Variants in COL6A1 observed in about 807,000 individuals in gnomAD.
COL6A1 encodes collagen type VI alpha 1 chain.
Under a neutral mutation model 145.6 loss-of-function variants are expected in COL6A1, and 80 were observed. The observed-to-expected ratio is 0.55, with a 90% CI of 0.46 to 0.66. The LOEUF (loss-of-function observed/expected upper bound fraction) is 0.66, where lower values mean the gene tolerates loss of function less well. COL6A1 is among the 30% of genes least tolerant of loss of function. The pLI, the probability that COL6A1 is intolerant of heterozygous loss-of-function variation, is 0.00. For missense variants in COL6A1, 1,364 were observed against 1,473.8 expected, an observed-to-expected ratio of 0.93 and a Z score of 1.22; for synonymous variants, 638 against 622.8, an observed-to-expected ratio of 1.02 and a Z score of -0.36.
intron 18 of COL6A1, 57 bp downstream of exon 18, chr21:45,992,455 G>C: frequency 6.3e-7 from 1 of 1,586,990 alleles, no homozygotes; most frequent in Admixed American, 1.7e-5. Context: ...TGTGGACGTG[G>C]CCTCTGCGGC....
chr21:45,997,868 G>A (rs998272823), intron 22 of COL6A1, 106 bp downstream of exon 22: 25 of 1,294,702 alleles, frequency 1.9e-5, no homozygotes, highest in South Asian at 2.7e-5. Flanking sequence ...TGACCGGGCC[G>A]GGAGTGCCCG....
intron 4 of COL6A1, 122 bp from the exon 5 acceptor site, chr21:45,986,822 C>CAGCCCCTCCTGCTGAGGAGCCT (rs2077741958): frequency 6.6e-6 from 10 of 1,518,256 alleles, no homozygotes; most frequent in Non-Finnish European, 8.8e-6. Flanking sequence ...CCTGAGAGGC[C>CAGCCCCTCCTGCTGAGGAGCCT]AGCCCCTCCT....
At chr21:45,992,526 T>C in intron 18 of COL6A1, 128 bp downstream of exon 18, 2 of 1,214,704 alleles carry the variant, frequency 1.6e-6, no homozygotes, top group Non-Finnish European at 1.2e-6. Flanking sequence ...ATGGGTTTCT[T>C]CACCCACACG....
intron 4 of COL6A1, 49 bp from the exon 5 acceptor site, chr21:45,986,895 C>G: frequency 6.5e-7 from 1 of 1,536,072 alleles, no homozygotes; most frequent in Non-Finnish European, 8.7e-7. Context: ...GCGGCCCCGG[C>G]CGTCAGGGGT....
Position 45,981,907 on chromosome 21 carries a change from G to T in COL6A1, c.57G>T (p.Ala19=). ...TGCTGCAGGCCTGCTGGACAGCCGC[G>T]CAGGATGAGCCGGAGACCCCGAGGG... The part of the protein sequence containing the change: ...PLLLQACWTA[A]QDEPETPRAV... The change falls in exon 1 of 35, where the codon GCG becomes GCT. Residue 19 remains alanine (A), a synonymous_variant. Coordinates refer to ENST00000361866, the MANE Select transcript of COL6A1 (RefSeq NM_001848.3). The T allele has an allele frequency of 3.7e-6, 6 of 1,606,920 alleles. No individual in the cohort carries two copies. Among genetic ancestry groups the T allele is most frequent in the Non-Finnish European group, 5.1e-6 (6 of 1,178,036 alleles).
intron 29 of COL6A1, chr21:46,000,996 G>C (rs1379480110): frequency 2.8e-6 from 2 of 706,740 alleles, no homozygotes; most frequent in African/African-American, 1.8e-5. Context: ...GCAGGCTTGG[G>C]GGGGTCCCTG....
In COL6A1 at chr21:45,991,037, A is replaced by G. The variant is rs149338158; in HGVS notation, c.1115A>G (p.Glu372Gly). 667 of 1,613,000 alleles carry G rather than the reference A, an allele frequency of 4.1e-4. No homozygotes were observed. The highest frequency in any genetic ancestry group is 9.7e-4 in the Admixed American group (58 of 60,000). ...CCCGGTGCCTTTGGACTGAAAGGAG[A>G]AAAGGTGAGTGACTTGCGGCCCCTG... ...GDPGAFGLKG[E>G]KGEPGADGEA... Residue 372 changes from glutamate to glycine, a missense_variant, in exon 15 of 35, where the codon GAA (glutamate) becomes GGA (glycine). Coordinates refer to ENST00000361866, the MANE Select transcript of COL6A1 (RefSeq NM_001848.3).
intron 19 of COL6A1, among the ~76,000 whole-genome samples, chr21:45,993,897 G>A (rs146907690): frequency 1.9e-4 from 29 of 152,358 alleles, no homozygotes; most frequent in African/African-American, 7.0e-4. Flanking sequence ...GGAGCTTGCT[G>A]GAGAAGCAGG....
rs202073954 is a variant in COL6A1 at position 45,992,111 on chromosome 21, G to T, written c.1182+39G>T. The T allele has an allele frequency of 1.8e-3, 2,860 of 1,613,482 alleles. 13 individuals carry two copies. The highest frequency in any genetic ancestry group is 1.9e-3 in the Non-Finnish European group (2,253 of 1,179,946). On this transcript the variant is annotated intron_variant, in intron 16 of 34. Transcript: ENST00000361866. ...CAGCCCCCACACATGCCAGGTATGGGCCCAGGGAGGGTCAAGGAGATGGAG... is the reference window on the plus strand; with the variant it reads ...CAGCCCCCACACATGCCAGGTATGGTCCCAGGGAGGGTCAAGGAGATGGAG...
At chr21:45,987,107 G>T in intron 5 of COL6A1, 35 bp downstream of exon 5, 1 of 1,571,412 alleles carries the variant, frequency 6.4e-7, no homozygotes, top group East Asian at 2.3e-5. Flanking sequence ...GGAGGCCCGC[G>T]GCGGCCGCAG....
chr21:46,002,435 G>A (rs746395439), intron 32 of COL6A1, 34 bp downstream of exon 32: 57 of 1,612,012 alleles, frequency 3.5e-5, no homozygotes, highest in South Asian at 3.2e-4. Context: ...CACCTGCCCC[G>A]CCTAGGGCGC....
chr21:45,990,910 G>A (rs534509845), intron 14 of COL6A1, 69 bp from the exon 15 acceptor site: 48 of 1,608,382 alleles, frequency 3.0e-5, no homozygotes, highest in Admixed American at 2.2e-4. Context: ...CTGTCTGGGC[G>A]GTCTGGGGCT....
intron 21 of COL6A1, 72 bp downstream of exon 21, chr21:45,997,555 G>A: frequency 1.3e-6 from 2 of 1,563,382 alleles, no homozygotes. Context: ...TGTCTGCCCA[G>A]TGCTGGCCCC....
At chr21:45,998,780 G>A in intron 24 of COL6A1, 117 bp from the exon 25 acceptor site, 1 of 1,252,848 alleles carries the variant, frequency 8.0e-7, no homozygotes, top group South Asian at 1.3e-5. Flanking sequence ...AATGTGTGTG[G>A]TGGGGGAAGG....
intron 2 of COL6A1, among the ~76,000 whole-genome samples, chr21:45,983,064 A>G (rs2123460804): frequency 6.6e-6 from 1 of 150,974 alleles, no homozygotes; most frequent in Non-Finnish European, 1.5e-5. Flanking sequence ...AGATGTAGGG[A>G]AGAGAGGCTC....
chr21:45,990,001 G>A (rs2077764753), intron 11 of COL6A1, among the ~76,000 whole-genome samples: 1 of 11,784 alleles, frequency 8.5e-5, no homozygotes, highest in Admixed American at 8.7e-4. Context: ...CCAGAGCAGG[G>A]GTCCCCCGGG....
chr21:45,990,650 G>A, intron 13 of COL6A1, 123 bp from the exon 14 acceptor site: 1 of 915,770 alleles, frequency 1.1e-6, no homozygotes, highest in Non-Finnish European at 1.8e-6. Context: ...CCAGGGGGGT[G>A]TCTGCTAGGC....
chr21:45,994,885 C>T lies in COL6A1; in HGVS notation c.1398+656C>T, dbSNP rs933453695. 2.6e-5 allele frequency among the ~76,000 whole-genome samples: 4 copies of T among 152,158 alleles called. No individual in the cohort carries two copies. Among genetic ancestry groups the T allele is most frequent in the Admixed American group, 1.3e-4 (2 of 15,290 alleles). Reference sequence around the variant, plus strand: ...AGGAAGGCCTCCACACGGTCACGCCCGGAGACAGCAAGTCTGTGCTCCCGA... The same window carrying T: ...AGGAAGGCCTCCACACGGTCACGCCTGGAGACAGCAAGTCTGTGCTCCCGA... On this transcript the variant is annotated intron_variant, in intron 20 of 34. Coordinates refer to ENST00000361866, the MANE Select transcript of COL6A1 (RefSeq NM_001848.3). This position sits in a 1 kb window ranked among gnomAD's most constrained non-coding sequence, Gnocchi z 6.8.
Position 46,004,217 on chromosome 21 carries a change from C to G in COL6A1, c.*204C>G. 1 of 671,562 alleles carries G rather than the reference C, an allele frequency of 1.5e-6. No homozygotes were observed. The highest frequency in any genetic ancestry group is 2.5e-6 in the Non-Finnish European group (1 of 400,458). The allele number at this position is 671,562 out of a possible 1,614,324, so 41.6% of individuals were successfully genotyped here. ...CTCAGCCCTGAGTTGGCATCACCTG[C>G]GCAGGGCCCTCTGGGGCTCAGCCCT... On this transcript the variant is annotated 3_prime_UTR_variant, in exon 35 of 35. Transcript: ENST00000361866.
Sources: gnomAD v4.1 joint callset for allele counts (sites outside exome capture counted in the v4.1 genomes callset) on GRCh38, gnomAD v4.1.1 for gene constraint, Gnocchi (gnomAD v3.1) non-coding constraint, MANE v1.5 for transcripts, NCBI Gene and HGNC (gene_info 2026-07-23, HGNC 2026-07-21) for gene names.